BBS9: variants seen among roughly 807,000 people sequenced by gnomAD.
BBS9 encodes protein PTHB1.
Under a neutral mutation model 117.7 loss-of-function variants are expected in BBS9, and 89 were observed. That is an observed-to-expected ratio of 0.76 (90% CI 0.64 to 0.90). BBS9 has a LOEUF of 0.90. Ranked by LOEUF, BBS9 falls within the 40% of genes least tolerant of loss-of-function variation. The pLI, the probability that BBS9 is intolerant of heterozygous loss-of-function variation, is 0.00. For synonymous variants in BBS9, 379 were observed against 370.9 expected, an observed-to-expected ratio of 1.02 and a Z score of -0.25; for missense variants, 982 against 1,042.2, an observed-to-expected ratio of 0.94 and a Z score of 0.80.
chr7:33,338,677 A>G (rs1009220438), intron 10 of BBS9, among the ~76,000 whole-genome samples: 40 of 152,246 alleles, frequency 2.6e-4, no homozygotes, highest in African/African-American at 9.4e-4. Flanking sequence ...TGTTGTAAGC[A>G]TGAAATCATA....
intron 21 of BBS9, among the ~76,000 whole-genome samples, chr7:33,538,822 A>G (rs1447029237): frequency 1.3e-5 from 2 of 151,214 alleles, no homozygotes; most frequent in East Asian, 3.9e-4. Flanking sequence ...GCTATTGTGA[A>G]GTGGACTTCT....
At chr7:33,313,064 T>TGC (rs1554412030) in intron 9 of BBS9, among the ~76,000 whole-genome samples, 2,951 of 147,752 alleles carry the variant, frequency 0.02, 100 homozygotes, top group African/African-American at 0.069. Context: ...TGTGTGTGTG[T>TGC]GCGCGCACAG....
At chr7:33,338,793 C>T (rs917988967) in intron 10 of BBS9, among the ~76,000 whole-genome samples, 12 of 152,104 alleles carry the variant, frequency 7.9e-5, no homozygotes, top group Admixed American at 3.3e-4. Flanking sequence ...AACATCTACT[C>T]GTAGGAACTT....
intron 9 of BBS9, among the ~76,000 whole-genome samples, chr7:33,332,062 G>A (rs7798522): frequency 1.3e-5 from 2 of 152,096 alleles, no homozygotes; most frequent in Non-Finnish European, 2.9e-5. Flanking sequence ...ATACTACAAG[G>A]CTGTAGTTAC....
At chr7:33,611,546 T>C (rs934941665) in intron 21 of BBS9, among the ~76,000 whole-genome samples, 2 of 140,898 alleles carry the variant, frequency 1.4e-5, no homozygotes, top group Non-Finnish European at 3.0e-5. Flanking sequence ...TATTCCTTTA[T>C]ATAATATTAT....
intron 15 of BBS9, among the ~76,000 whole-genome samples, chr7:33,354,045 C>G (rs1819182210): frequency 6.6e-6 from 1 of 151,828 alleles, no homozygotes; most frequent in Non-Finnish European, 1.5e-5. Flanking sequence ...GGTTATTGTT[C>G]AAAGAAATTT....
chr7:33,309,867 G>A (rs1031926535), intron 9 of BBS9, among the ~76,000 whole-genome samples: 13 of 152,146 alleles, frequency 8.5e-5, no homozygotes, highest in Admixed American at 8.5e-4. Context: ...AGTTAGTGGA[G>A]CATGGGAAGA....
intron 5 of BBS9, among the ~76,000 whole-genome samples, chr7:33,233,577 C>A (rs1792896726): frequency 6.6e-6 from 1 of 151,740 alleles, no homozygotes; most frequent in South Asian, 2.1e-4. Flanking sequence ...CATTTTTTTT[C>A]TTATAAAAGC....
At chr7:33,599,925 T>C (rs1299811864) in intron 21 of BBS9, among the ~76,000 whole-genome samples, 3 of 152,128 alleles carry the variant, frequency 2.0e-5, no homozygotes, top group Non-Finnish European at 4.4e-5. Context: ...AGAGAGATTG[T>C]TCTGAACACC....
At chr7:33,194,850 CTA>C (rs953141713) in intron 5 of BBS9, among the ~76,000 whole-genome samples, 5 of 152,116 alleles carry the variant, frequency 3.3e-5, no homozygotes, top group African/African-American at 1.2e-4. Context: ...ATAGAGAAGA[CTA>C]TGTGGAGAGA....
chr7:33,505,686 T>C (rs1174525236), intron 20 of BBS9, 41 bp downstream of exon 20: 7 of 1,604,876 alleles, frequency 4.4e-6, no homozygotes, highest in East Asian at 2.2e-5. Context: ...GCCAGCATTA[T>C]TGAAGTTTCG....
intron 7 of BBS9, among the ~76,000 whole-genome samples, chr7:33,265,922 A>T (rs1218684681): frequency 6.6e-6 from 1 of 152,042 alleles, no homozygotes; most frequent in East Asian, 1.9e-4. Context: ...TATATAAAGC[A>T]CATAGCAAAA....
chr7:33,351,207 C>A lies in BBS9; in HGVS notation c.1433-12C>A, dbSNP rs1350260018. 4 of 1,545,364 alleles carry A rather than the reference C, an allele frequency of 2.6e-6. No homozygotes were observed. Among genetic ancestry groups the A allele is most frequent in the Non-Finnish European group, 3.6e-6 (4 of 1,118,110 alleles). The stretch of plus-strand genomic sequence containing the variant: ...AATTATGTAATTTATATTATTTTTA[C>A]ATTGCTTATAGCACCAGATTTGACT... On this transcript the variant is annotated splice_polypyrimidine_tract_variant and intron_variant, in intron 13 of 22. Transcript: ENST00000242067.
chr7:33,626,075 G>A (rs1865623519), intron 21 of BBS9, among the ~76,000 whole-genome samples: 1 of 152,180 alleles, frequency 6.6e-6, no homozygotes, highest in Admixed American at 6.5e-5. Context: ...CCTGGTGGGA[G>A]GTGATTGGAA....
chr7:33,272,450 G>T (rs1367889546), intron 7 of BBS9, among the ~76,000 whole-genome samples: 2 of 152,070 alleles, frequency 1.3e-5, no homozygotes, highest in Non-Finnish European at 2.9e-5. Context: ...TAGAAATATT[G>T]TATGGAAGAT....
intron 19 of BBS9, among the ~76,000 whole-genome samples, chr7:33,396,300 A>G (rs1827947573): frequency 6.6e-6 from 1 of 152,108 alleles, no homozygotes; most frequent in East Asian, 1.9e-4. Flanking sequence ...TAGTACTACT[A>G]TTTGAAGTGA....
intron 21 of BBS9, among the ~76,000 whole-genome samples, chr7:33,581,724 CT>C (rs1191461288): frequency 6.6e-6 from 1 of 152,074 alleles, no homozygotes; most frequent in Non-Finnish European, 1.5e-5. Flanking sequence ...ATATTCTGAC[CT>C]TTTCAAAATC....
At chr7:33,534,267 A>T (rs2129059723) in intron 21 of BBS9, 91 bp downstream of exon 21, 2 of 1,354,252 alleles carry the variant, frequency 1.5e-6, no homozygotes, top group Non-Finnish European at 2.1e-6. Context: ...TTTAAATTTC[A>T]TATTAAAGTG....
At chr7:33,183,006 C>T (rs1798299746) in intron 5 of BBS9, among the ~76,000 whole-genome samples, 1 of 152,128 alleles carries the variant, frequency 6.6e-6, no homozygotes, top group African/African-American at 2.4e-5. Flanking sequence ...CTTCTCTGAT[C>T]CAAACATGGA....
Sources: gnomAD v4.1 joint callset for allele counts (sites outside exome capture counted in the v4.1 genomes callset) on GRCh38, gnomAD v4.1.1 for gene constraint, MANE v1.5 for transcripts, NCBI Gene and HGNC (gene_info 2026-07-23, HGNC 2026-07-21) for gene names.